FHAD1: variants seen among roughly 807,000 people sequenced by gnomAD.
The protein encoded by FHAD1 is forkhead-associated domain-containing protein 1.
FHAD1 carries 146 observed loss-of-function variants against 191.3 expected under a neutral mutation model. The ratio of observed to expected loss-of-function variants is 0.76; its 90% CI spans 0.67 to 0.88. FHAD1 has a LOEUF of 0.88. FHAD1 is among the 40% of genes least tolerant of loss of function. The probability of loss-of-function intolerance (pLI) is 0.00; values close to 1 mark genes in which losing one functional copy is unlikely to be tolerated. For missense variants in FHAD1, 1,635 were observed against 1,785.8 expected, an observed-to-expected ratio of 0.92 and a Z score of 1.52; for synonymous variants, 616 against 672.3, an observed-to-expected ratio of 0.92 and a Z score of 1.29.
At chr1:15,346,439 G>A (rs374749726) in intron 18 of FHAD1, among the ~76,000 whole-genome samples, 5 of 152,042 alleles carry the variant, frequency 3.3e-5, no homozygotes, top group East Asian at 1.9e-4. Flanking sequence ...ACCACTCCCC[G>A]TTGCATTAAA....
intron 2 of FHAD1, among the ~76,000 whole-genome samples, chr1:15,262,495 G>A (rs12354383): frequency 7.8e-4 from 119 of 152,232 alleles, no homozygotes; most frequent in African/African-American, 2.8e-3. Flanking sequence ...GGCCTCTAAC[G>A]CCTGGGCTCA....
intron 13 of FHAD1, 163 bp downstream of exon 13, chr1:15,328,592 AAAGGGCCT>A: frequency 1.7e-6 from 1 of 592,810 alleles, no homozygotes; most frequent in Non-Finnish European, 2.7e-6. Flanking sequence ...AAGAAAAAAC[AAAGGGCCT>A]AAAAAAATGC....
intron 2 of FHAD1, among the ~76,000 whole-genome samples, chr1:15,258,003 G>T (rs551225086): frequency 7.8e-4 from 118 of 152,200 alleles, no homozygotes; most frequent in African/African-American, 2.7e-3. Flanking sequence ...CACCATGCCT[G>T]GCTAATTTTT....
At chr1:15,272,212 T>C (rs745895412) in intron 2 of FHAD1, 111 bp from the exon 3 acceptor site, 5 of 932,922 alleles carry the variant, frequency 5.4e-6, no homozygotes, top group African/African-American at 1.7e-5. Context: ...AAAATGAGGA[T>C]TGTCGTGATG....
In FHAD1 at chr1:15,349,030, G is replaced by A. The variant is rs765290696; in HGVS notation, c.2347-12G>A. Reference sequence around the variant, plus strand: ...GTGCAGGCCACCAAGAGCACTGGTCGTTGATTTTCAGGTTTTGGAGAGCAG... The same window carrying A: ...GTGCAGGCCACCAAGAGCACTGGTCATTGATTTTCAGGTTTTGGAGAGCAG... On this transcript the variant is annotated splice_polypyrimidine_tract_variant and intron_variant, in intron 18 of 33. Transcript: ENST00000688493. 56 of 1,543,098 alleles carry A rather than the reference G, an allele frequency of 3.6e-5. No individual in the cohort carries two copies. In the Middle Eastern group the frequency reaches 5.0e-4, roughly 14 times the overall value.
chr1:15,396,472 A>G (rs1026128462), intron 33 of FHAD1, among the ~76,000 whole-genome samples: 8 of 152,210 alleles, frequency 5.3e-5, no homozygotes, highest in Non-Finnish European at 7.3e-5. Flanking sequence ...GTGTGTGTAT[A>G]TATATATTTT....
intron 20 of FHAD1, among the ~76,000 whole-genome samples, chr1:15,354,944 C>CA (rs34487716): frequency 0.4 from 60,678 of 152,064 alleles, 12,533 homozygotes; most frequent in South Asian, 0.48. Context: ...CGCAGTGACT[C>CA]ACGCCTGTAA....
At chr1:15,369,724 G>A (rs1299838375) in intron 26 of FHAD1, among the ~76,000 whole-genome samples, 1 of 152,188 alleles carries the variant, frequency 6.6e-6, no homozygotes, top group Non-Finnish European at 1.5e-5. Context: ...CTTTCCCTCG[G>A]AGAGGCCTCC....
chr1:15,367,682 T>C (rs965486288), intron 25 of FHAD1, 60 bp downstream of exon 25: 4 of 1,402,636 alleles, frequency 2.9e-6, no homozygotes, highest in Admixed American at 4.1e-5. Flanking sequence ...AGCCGCTGAG[T>C]ATTGCAGAGA....
chr1:15,291,278 T>C (rs1395387858), intron 4 of FHAD1, among the ~76,000 whole-genome samples: 1 of 151,906 alleles, frequency 6.6e-6, no homozygotes, highest in Non-Finnish European at 1.5e-5. Flanking sequence ...GACGAGGTTT[T>C]GCCATGTTGG....
At chr1:15,323,016 G>A (rs1676871921) in intron 10 of FHAD1, among the ~76,000 whole-genome samples, 1 of 152,178 alleles carries the variant, frequency 6.6e-6, no homozygotes, top group Non-Finnish European at 1.5e-5. Context: ...GGAAACCCCT[G>A]ATAAACCCGT....
chr1:15,398,307 A>G lies in FHAD1; in HGVS notation c.*894A>G, dbSNP rs1236197190. On this transcript the variant is annotated 3_prime_UTR_variant, in exon 34 of 34. Transcript: ENST00000688493. The stretch of plus-strand genomic sequence containing the variant: ...AAAAAAAAAAAAATCTGTTTATTGT[A>G]ATAAATTTAGAACACCAATCAGTTT... Among the ~76,000 whole-genome samples the G allele has an allele frequency of 6.6e-6, 1 of 151,670 alleles. No homozygotes were observed. The highest frequency in any genetic ancestry group is 1.5e-5 in the Non-Finnish European group (1 of 67,910).
chr1:15,321,995 G>T (rs138088177), intron 10 of FHAD1, among the ~76,000 whole-genome samples: 2 of 152,348 alleles, frequency 1.3e-5, no homozygotes, highest in African/African-American at 4.8e-5. Flanking sequence ...TTTCTATTTA[G>T]AAGTAACCTA....
intron 15 of FHAD1, among the ~76,000 whole-genome samples, chr1:15,339,923 T>G (rs1219823033): frequency 6.6e-6 from 1 of 152,164 alleles, no homozygotes; most frequent in Non-Finnish European, 1.5e-5. Flanking sequence ...CCTCCCGGGT[T>G]CAAGTGATTC....
chr1:15,351,327 A>G (rs1307468479), intron 19 of FHAD1, among the ~76,000 whole-genome samples: 1 of 152,230 alleles, frequency 6.6e-6, no homozygotes, highest in African/African-American at 2.4e-5. Context: ...CTTGGGTGTC[A>G]GAGTGAGACT....
At chr1:15,266,833 T>C (rs1170709208) in intron 2 of FHAD1, among the ~76,000 whole-genome samples, 1 of 152,228 alleles carries the variant, frequency 6.6e-6, no homozygotes, top group Non-Finnish European at 1.5e-5. Context: ...GTTGAAATCA[T>C]ACAATATGTA....
chr1:15,349,320 TCA>T (rs1690015905), intron 19 of FHAD1, among the ~76,000 whole-genome samples, 171 bp downstream of exon 19: 1 of 152,146 alleles, frequency 6.6e-6, no homozygotes, highest in African/African-American at 2.4e-5. Context: ...TCCCCATCCC[TCA>T]GTTTCCTCAT....
At chr1:15,249,559 T>C (rs1271747996) in intron 1 of FHAD1, among the ~76,000 whole-genome samples, 1 of 152,254 alleles carries the variant, frequency 6.6e-6, no homozygotes, top group East Asian at 1.9e-4. Flanking sequence ...ATTCTCATTA[T>C]ATGAAAGTAT....
chr1:15,386,220 A>G (rs1702054993), intron 31 of FHAD1, among the ~76,000 whole-genome samples: 1 of 152,214 alleles, frequency 6.6e-6, no homozygotes, highest in Admixed American at 6.5e-5. Flanking sequence ...TCACAGAGCA[A>G]GCTCAGTTAC....
Sources: allele counts gnomAD v4.1 joint callset (sites outside exome capture counted in the v4.1 genomes callset), GRCh38; gene constraint gnomAD v4.1.1; transcripts MANE v1.5; gene names NCBI Gene and HGNC (gene_info 2026-07-23, HGNC 2026-07-21).